FAF1: variants seen among roughly 807,000 people sequenced by gnomAD.
The protein encoded by FAF1 is Fas associated factor 1.
In FAF1, 25 loss-of-function variants were observed where a neutral mutation model predicts 92.5. The ratio of observed to expected loss-of-function variants is 0.27; its 90% CI spans 0.20 to 0.38. The LOEUF is 0.38. FAF1 is among the 10% of genes least tolerant of loss of function. The pLI, the probability that FAF1 is intolerant of heterozygous loss-of-function variation, is 1.00. For missense variants in FAF1, 636 were observed against 793.3 expected (o/e 0.80, Z 2.38); for synonymous variants, 234 against 273.2 (o/e 0.86, Z 1.42).
chr1:50,743,691 A>G (rs1475940414), intron 5 of FAF1, among the ~76,000 whole-genome samples: 2 of 152,218 alleles, frequency 1.3e-5, no homozygotes, highest in Non-Finnish European at 2.9e-5. Context: ...ATGTGAAAAC[A>G]TTCAATAATT....
chr1:50,674,968 G>A (rs1462832673), intron 7 of FAF1, among the ~76,000 whole-genome samples: 3 of 151,874 alleles, frequency 2.0e-5, no homozygotes, highest in Non-Finnish European at 4.4e-5. Flanking sequence ...TTGGCTAACT[G>A]CAACCTCCGC....
chr1:50,646,151 A>T (rs1189104866), intron 8 of FAF1, among the ~76,000 whole-genome samples: 1 of 152,196 alleles, frequency 6.6e-6, no homozygotes, highest in African/African-American at 2.4e-5. Context: ...ACATTAAGTA[A>T]CATCTAAATA....
intron 2 of FAF1, among the ~76,000 whole-genome samples, chr1:50,846,095 C>T (rs1164891820): frequency 1.3e-5 from 2 of 151,944 alleles, no homozygotes; most frequent in African/African-American, 4.8e-5. Flanking sequence ...CTACTGCATT[C>T]CAGCCTGGGC....
In FAF1 at chr1:50,738,952, C is replaced by CT; in HGVS notation, c.461_462insA (p.Val155GlyfsTer27). The CT allele has an allele frequency of 6.4e-7, 1 of 1,571,282 alleles. No individual in the cohort carries two copies. Among genetic ancestry groups the CT allele is most frequent in the South Asian group, 1.2e-5 (1 of 83,504 alleles). Reference sequence around the variant, plus strand: ...TTGGCAAGTGTAGAGATTTTAGGACCGTCTGAAAAAGAAAAAACACAGCAA... The same window carrying CT: ...TTGGCAAGTGTAGAGATTTTAGGACCTGTCTGAAAAAGAAAAAACACAGCAA... On this transcript the variant is annotated frameshift_variant and splice_region_variant, in exon 6 of 19. Transcript: ENST00000396153. LOFTEE classifies it high-confidence loss of function.
intron 7 of FAF1, among the ~76,000 whole-genome samples, chr1:50,700,683 A>T (rs1291076542): frequency 6.6e-6 from 1 of 152,142 alleles, no homozygotes; most frequent in Non-Finnish European, 1.5e-5. Context: ...ATCACAGATG[A>T]TGAAATGTGG....
At chr1:50,815,433 T>TC (rs1484326475) in intron 2 of FAF1, among the ~76,000 whole-genome samples, 1 of 152,258 alleles carries the variant, frequency 6.6e-6, no homozygotes, top group Admixed American at 6.5e-5. Flanking sequence ...TCCCATGGTG[T>TC]ATATGTACCA....
chr1:50,886,789 T>G (rs1644669652), intron 1 of FAF1, among the ~76,000 whole-genome samples: 1 of 152,226 alleles, frequency 6.6e-6, no homozygotes, highest in Non-Finnish European at 1.5e-5. Flanking sequence ...TGATGGACAT[T>G]TAGGTTGGTT....
chr1:50,488,958 A>G (rs758408152), intron 17 of FAF1, among the ~76,000 whole-genome samples: 1 of 152,214 alleles, frequency 6.6e-6, no homozygotes, highest in Non-Finnish European at 1.5e-5. Context: ...ATAGATACTC[A>G]CAACAGTTTT....
chr1:50,633,849 A>C (rs909530467), intron 8 of FAF1, among the ~76,000 whole-genome samples: 1 of 152,160 alleles, frequency 6.6e-6, no homozygotes, highest in Non-Finnish European at 1.5e-5. Context: ...GCTGTCTGTA[A>C]TTTTATCTCT....
chr1:50,689,155 C>T (rs376020071), intron 7 of FAF1, among the ~76,000 whole-genome samples: 10 of 152,074 alleles, frequency 6.6e-5, no homozygotes, highest in East Asian at 1.9e-4. Context: ...GAACTATACA[C>T]GTAAAAATGG....
intron 15 of FAF1, among the ~76,000 whole-genome samples, chr1:50,528,840 T>C (rs1647981587): frequency 6.6e-6 from 1 of 152,214 alleles, no homozygotes; most frequent in Non-Finnish European, 1.5e-5. Context: ...CAGCCTGCTC[T>C]ACGTGAAGGT....
chr1:50,452,208 T>C (rs1487087639), intron 18 of FAF1: 1 of 1,268,712 alleles, frequency 7.9e-7, no homozygotes, highest in Non-Finnish European at 1.0e-6. Flanking sequence ...AAGACATAAT[T>C]TCAAGCAAAT....
intron 4 of FAF1, among the ~76,000 whole-genome samples, chr1:50,775,757 C>T (rs145282525): frequency 4.4e-4 from 66 of 148,556 alleles, no homozygotes; most frequent in Non-Finnish European, 7.3e-4. Context: ...CAAAGGGGGA[C>T]GAAAAAAAAA....
intron 8 of FAF1, among the ~76,000 whole-genome samples, chr1:50,621,379 CTTTCTTTT>C (rs1240418986): frequency 4.1e-5 from 5 of 123,096 alleles, no homozygotes; most frequent in East Asian, 2.4e-4. Flanking sequence ...TAGCCCCGAT[CTTTCTTTT>C]TTTCTTTTTT....
intron 1 of FAF1, among the ~76,000 whole-genome samples, chr1:50,887,345 T>C (rs775010423): frequency 1.2e-4 from 19 of 152,216 alleles, no homozygotes; most frequent in Non-Finnish European, 2.4e-4. Context: ...ACTCTGATGG[T>C]AGTTTCTTTT....
At chr1:50,661,601 T>C (rs540841216) in intron 7 of FAF1, among the ~76,000 whole-genome samples, 35 of 152,308 alleles carry the variant, frequency 2.3e-4, no homozygotes, top group Non-Finnish European at 4.4e-4. Context: ...GAATTTTAAA[T>C]ATATCAAACT....
intron 1 of FAF1, among the ~76,000 whole-genome samples, chr1:50,936,557 T>C (rs1438879422): frequency 2.0e-5 from 3 of 152,190 alleles, no homozygotes; most frequent in Non-Finnish European, 4.4e-5. Context: ...ATAGGGCATA[T>C]AAGGCCAAAT....
At chr1:50,777,152 C>A (rs572224784) in intron 4 of FAF1, among the ~76,000 whole-genome samples, 36 of 151,894 alleles carry the variant, frequency 2.4e-4, no homozygotes, top group South Asian at 4.2e-4. Flanking sequence ...TGGCTCACAC[C>A]TGTAATCCCA....
chr1:50,680,632 G>C (rs894005912), intron 7 of FAF1, among the ~76,000 whole-genome samples: 1 of 151,860 alleles, frequency 6.6e-6, no homozygotes, highest in African/African-American at 2.4e-5. Flanking sequence ...GCAGTGAGCT[G>C]AGATTGTGCC....
Sources: gnomAD v4.1 joint callset for allele counts (sites outside exome capture counted in the v4.1 genomes callset) on GRCh38, gnomAD v4.1.1 for gene constraint, MANE v1.5 for transcripts, NCBI Gene and HGNC (gene_info 2026-07-23, HGNC 2026-07-21) for gene names.